PRMT7: variants seen among roughly 807,000 people sequenced by gnomAD.
PRMT7 encodes the protein protein arginine methyltransferase 7, also known as protein arginine N-methyltransferase 7.
A neutral mutation model predicts 85.4 loss-of-function variants in PRMT7; 75 were observed. That is an observed-to-expected ratio of 0.88 (90% CI 0.73 to 1.06). The LOEUF (loss-of-function observed/expected upper bound fraction) is 1.06, where lower values mean the gene tolerates loss of function less well. Ranked by LOEUF, PRMT7 falls within the 50% of genes least tolerant of loss-of-function variation. PRMT7 has a pLI of 0.00. For synonymous variants in PRMT7, 397 were observed against 359.5 expected (o/e 1.10, Z -1.18); for missense variants, 868 against 915.2 (o/e 0.95, Z 0.67).
intron 2 of PRMT7, among the ~76,000 whole-genome samples, chr16:68,313,581 C>T (rs2044265537): frequency 1.3e-5 from 2 of 152,184 alleles, no homozygotes; most frequent in African/African-American, 4.8e-5. Context: ...TTAAGCCTTC[C>T]TTGAACATTC....
chr16:68,324,400 G>A, intron 4 of PRMT7: 1 of 441,478 alleles, frequency 2.3e-6, no homozygotes, highest in Non-Finnish European at 4.1e-6. Context: ...CCTTTTGGCT[G>A]TACCTAACAG....
chr16:68,321,765 C>T (rs893215373), intron 4 of PRMT7: 6 of 271,482 alleles, frequency 2.2e-5, no homozygotes, highest in Non-Finnish European at 4.1e-5. Flanking sequence ...AATCTACCGC[C>T]TCATACTTTT....
chr16:68,313,867 T>G (rs1412353848), intron 2 of PRMT7, among the ~76,000 whole-genome samples: 1 of 152,154 alleles, frequency 6.6e-6, no homozygotes, highest in Admixed American at 6.5e-5. Context: ...TCCAGGAGTT[T>G]AAGGCTGTAG....
intron 6 of PRMT7, among the ~76,000 whole-genome samples, chr16:68,336,862 C>T (rs769688866): frequency 3.3e-5 from 5 of 152,194 alleles, no homozygotes; most frequent in Non-Finnish European, 7.3e-5. Flanking sequence ...AAGTGATTCT[C>T]ATGCCTCAGC....
intron 3 of PRMT7, among the ~76,000 whole-genome samples, chr16:68,320,352 T>C (rs1224586440): frequency 1.8e-4 from 28 of 152,168 alleles, no homozygotes; most frequent in Admixed American, 1.8e-3. Flanking sequence ...CTGACAGCCT[T>C]CAGAGCTGAC....
chr16:68,325,095 C>T (rs535081571), intron 5 of PRMT7, among the ~76,000 whole-genome samples: 9 of 152,332 alleles, frequency 5.9e-5, no homozygotes, highest in South Asian at 2.1e-4. Context: ...CAGTGGCTCA[C>T]GCCTGTAATC....
chr16:68,336,266 T>A (rs1187288151), intron 6 of PRMT7, among the ~76,000 whole-genome samples: 11 of 152,232 alleles, frequency 7.2e-5, no homozygotes, highest in Admixed American at 7.2e-4. Flanking sequence ...AAATTATAAT[T>A]GTAGAAGTAG....
At chr16:68,345,059 T>A (rs776413174) in intron 9 of PRMT7, among the ~76,000 whole-genome samples, 1 of 151,570 alleles carries the variant, frequency 6.6e-6, no homozygotes, top group Non-Finnish European at 1.5e-5. Flanking sequence ...CTCCCAAGAA[T>A]GAAAACAGTC....
chr16:68,334,125 T>C (rs2084320189), intron 6 of PRMT7, among the ~76,000 whole-genome samples: 1 of 152,206 alleles, frequency 6.6e-6, no homozygotes, highest in African/African-American at 2.4e-5. Flanking sequence ...TAAATCATTA[T>C]GTAGTTATGT....
At chr16:68,352,157 G>T in intron 14 of PRMT7, 91 bp from the exon 15 acceptor site, 1 of 1,378,740 alleles carries the variant, frequency 7.3e-7, no homozygotes. Flanking sequence ...TGACTTGAGT[G>T]ACTGAGTGGC....
chr16:68,317,904 A>AGC (rs2082061295), intron 3 of PRMT7, among the ~76,000 whole-genome samples: 1 of 151,862 alleles, frequency 6.6e-6, no homozygotes, highest in East Asian at 1.9e-4. Context: ...AGTTTAGTGC[A>AGC]GCTGGAGTGT....
At chr16:68,330,393 T>C (rs1354448184) in intron 6 of PRMT7, among the ~76,000 whole-genome samples, 1 of 151,694 alleles carries the variant, frequency 6.6e-6, no homozygotes, top group Non-Finnish European at 1.5e-5. Context: ...ACTCTTATGC[T>C]AAAGTGATCC....
rs199525816 is a variant in PRMT7, at chr16:68,352,265, C to T, written c.1431C>T (p.Gly477=). The change falls in exon 15 of 19, where the codon GGC becomes GGT. Residue 477 remains glycine (G), a synonymous_variant. Transcript: ENST00000441236. ...TTCACCAGGTCTCTCTCCTCCTGGG[C>T]GAGCCGTTCTTCACTACCAGCCTGC... is the stretch of plus-strand genomic sequence containing the variant. The part of the protein sequence containing the change: ...LQGRKVSLLL[G]EPFFTTSLLP... The T allele has an allele frequency of 8.1e-5, 131 of 1,611,056 alleles. No homozygotes were observed. Among genetic ancestry groups the T allele is most frequent in the Non-Finnish European group, 1.0e-4 (119 of 1,179,562 alleles).
Position 68,357,224 on chromosome 16 carries a change from AC to A in PRMT7, c.*2del. The A allele has an allele frequency of 6.2e-7, 1 of 1,609,936 alleles. No individual in the cohort carries two copies. Among genetic ancestry groups the A allele is most frequent in the South Asian group, 1.1e-5 (1 of 90,328 alleles). ...TCAGGCATGCAGATACCCCAGACTGACCACTCTTGAGCAATAAAGTGGCCTG... is the reference window on the plus strand; with the variant it reads ...TCAGGCATGCAGATACCCCAGACTGACACTCTTGAGCAATAAAGTGGCCTG... On this transcript the variant is annotated 3_prime_UTR_variant, in exon 19 of 19. Transcript: ENST00000441236.
At chr16:68,352,602 A>G (rs1397557991) in intron 15 of PRMT7, 193 bp downstream of exon 15, 2 of 502,322 alleles carry the variant, frequency 4.0e-6, no homozygotes, top group East Asian at 6.7e-5. Context: ...ATAATTTGAC[A>G]TACGAAATGG....
At chr16:68,323,842 T>G (rs1597186250) in intron 4 of PRMT7, 1 of 152,234 alleles carries the variant, frequency 6.6e-6, no homozygotes, top group African/African-American at 2.4e-5. Flanking sequence ...TCTTTAGTTA[T>G]TTTCAACAGA....
intron 5 of PRMT7, among the ~76,000 whole-genome samples, chr16:68,326,622 G>A (rs1224219370): frequency 2.0e-5 from 3 of 152,020 alleles, no homozygotes; most frequent in Admixed American, 6.6e-5. Flanking sequence ...GGGTACCATC[G>A]GCTAGAATGA....
chr16:68,334,948 T>C (rs2084439069), intron 6 of PRMT7, among the ~76,000 whole-genome samples: 1 of 151,940 alleles, frequency 6.6e-6, no homozygotes, highest in Admixed American at 6.6e-5. Context: ...AGGCGCGTGC[T>C]ACTACACCCG....
At chr16:68,314,042 G>A (rs1311945448) in intron 2 of PRMT7, among the ~76,000 whole-genome samples, 1 of 152,238 alleles carries the variant, frequency 6.6e-6, no homozygotes, top group African/African-American at 2.4e-5. Context: ...GTACATGCAG[G>A]TATGTGTATT....
Sources: gnomAD v4.1 joint callset for allele counts (sites outside exome capture counted in the v4.1 genomes callset) on GRCh38, gnomAD v4.1.1 for gene constraint, MANE v1.5 for transcripts, NCBI Gene and HGNC (gene_info 2026-07-23, HGNC 2026-07-21) for gene names.